The following CCDC148 variants were observed in gnomAD, a reference collection of about 807,000 sequenced individuals.
The protein encoded by CCDC148 is coiled-coil domain containing 148, also known as coiled-coil domain-containing protein 148.
Under a neutral mutation model 85.7 loss-of-function variants are expected in CCDC148, and 89 were observed. The observed-to-expected ratio is 1.04, with a 90% CI of 0.87 to 1.24. The LOEUF (loss-of-function observed/expected upper bound fraction) is 1.24. Among genes scored for constraint, CCDC148 ranks in the 50% most tolerant of loss-of-function variants. The probability of loss-of-function intolerance (pLI) is 0.00; values close to 1 mark genes in which losing one functional copy is unlikely to be tolerated. For synonymous variants in CCDC148, 230 were observed against 213.9 expected (o/e 1.08, Z -0.66); for missense variants, 692 against 671.7 (o/e 1.03, Z -0.33).
intron 3 of CCDC148, among the ~76,000 whole-genome samples, chr2:158,342,021 C>CTTATTTTTTTT (rs1682729753): frequency 1.2e-5 from 1 of 85,624 alleles, no homozygotes; most frequent in Non-Finnish European, 2.0e-5. Flanking sequence ...TCATTATTTT[C>CTTATTTTTTTT]TTTTCTTTTT....
intron 1 of CCDC148, among the ~76,000 whole-genome samples, chr2:158,362,626 C>CAAAG (rs1351608727): frequency 1.3e-5 from 2 of 152,072 alleles, no homozygotes; most frequent in East Asian, 3.8e-4. Flanking sequence ...CCAATGAGAA[C>CAAAG]AAAGACACAA....
intron 8 of CCDC148, among the ~76,000 whole-genome samples, chr2:158,311,927 T>A (rs1003214035): frequency 6.6e-6 from 1 of 152,156 alleles, no homozygotes; most frequent in Non-Finnish European, 1.5e-5. Context: ...AGAACAGGAA[T>A]GGAGAGAACC....
intron 11 of CCDC148, among the ~76,000 whole-genome samples, chr2:158,218,005 A>G (rs1339866853): frequency 6.6e-6 from 1 of 152,240 alleles, no homozygotes; most frequent in Non-Finnish European, 1.5e-5. Context: ...AAAAACTATC[A>G]GCAATTTTGT....
At chr2:158,392,049 G>A (rs1362460480) in intron 1 of CCDC148, among the ~76,000 whole-genome samples, 4 of 152,178 alleles carry the variant, frequency 2.6e-5, no homozygotes, top group Admixed American at 6.6e-5. Context: ...CGCTGCAGAA[G>A]GGTCATAATT....
In CCDC148 at chr2:158,230,407, G is replaced by A. The variant is rs572781220; in HGVS notation, c.1252-9694C>T. ...TTGTTTGAAAACCTGGTAGATGAGC[G>A]TGAAACACCCACGGGAAGAGATGGA... On this transcript the variant is annotated intron_variant, in intron 10 of 13. Transcript: ENST00000283233. Among the ~76,000 whole-genome samples, 12 of 152,268 alleles carry A rather than the reference G, an allele frequency of 7.9e-5. No homozygotes were observed. The South Asian group carries it at 1.4e-3, about 18-fold the overall frequency.
rs372364645 is a variant in CCDC148 at position 158,264,143 on chromosome 2, A to G, written c.1111-13231T>C. 5.9e-5 allele frequency among the ~76,000 whole-genome samples: 9 copies of G among 152,048 alleles called. No individual in the cohort carries two copies. In the South Asian group the frequency reaches 1.0e-3, roughly 18 times the overall value. Reference sequence around the variant, plus strand: ...CCACTGCTGAGAACAAAAATTAAGGAAAGTGATTACAGAGTATGATAAAAG... The same window carrying G: ...CCACTGCTGAGAACAAAAATTAAGGGAAGTGATTACAGAGTATGATAAAAG... On this transcript the variant is annotated intron_variant, in intron 9 of 13. Coordinates refer to ENST00000283233, the MANE Select transcript of CCDC148 (RefSeq NM_138803.4).
chr2:158,286,345 CA>C (rs1020188776), intron 9 of CCDC148, among the ~76,000 whole-genome samples: 4 of 152,034 alleles, frequency 2.6e-5, no homozygotes, highest in African/African-American at 9.7e-5. Flanking sequence ...AAAGACAAAA[CA>C]ACTTTATAAG....
At chr2:158,355,604 TC>T (rs1413429667) in intron 2 of CCDC148, among the ~76,000 whole-genome samples, 1 of 132,844 alleles carries the variant, frequency 7.5e-6, no homozygotes, top group Non-Finnish European at 1.6e-5. Context: ...GGAAGAACAT[TC>T]CATGCTCATG....
chr2:158,244,403 A>C (rs1688481544), intron 10 of CCDC148, among the ~76,000 whole-genome samples: 1 of 152,162 alleles, frequency 6.6e-6, no homozygotes. Flanking sequence ...CCAGGCTGAA[A>C]TCAAGGTATT....
chr2:158,449,125 C>T (rs1241957933), intron 1 of CCDC148, among the ~76,000 whole-genome samples: 4 of 152,126 alleles, frequency 2.6e-5, no homozygotes, highest in Non-Finnish European at 4.4e-5. Context: ...CGTGCCCGAC[C>T]GGAACTGTTT....
At chr2:158,385,179 T>C (rs965711306) in intron 1 of CCDC148, among the ~76,000 whole-genome samples, 1 of 152,122 alleles carries the variant, frequency 6.6e-6, no homozygotes, top group Non-Finnish European at 1.5e-5. Flanking sequence ...AGACCTAAAT[T>C]TAAAGGGCTC....
rs528322923 is a variant in CCDC148 at position 158,171,769 on chromosome 2, G to T, written c.*344C>A. On this transcript the variant is annotated 3_prime_UTR_variant, in exon 14 of 14. Coordinates refer to ENST00000283233, the MANE Select transcript of CCDC148 (RefSeq NM_138803.4). ...AAGCAGAAATGAACATTAGCAGGTA[G>T]CAGCTACATAATTTATAATTCTCAC... 77 of 156,764 alleles carry T rather than the reference G, an allele frequency of 4.9e-4. No individual in the cohort carries two copies. The highest frequency in any genetic ancestry group is 1.8e-3 in the African/African-American group (74 of 41,696). The allele number at this position is 156,764 out of a possible 1,614,324, so 9.7% of individuals were successfully genotyped here.
chr2:158,247,169 TA>T (rs1688602311), intron 10 of CCDC148, among the ~76,000 whole-genome samples: 1 of 152,076 alleles, frequency 6.6e-6, no homozygotes, highest in East Asian at 1.9e-4. Flanking sequence ...CATATTAATT[TA>T]AAAAATGGAT....
rs554986122 is a variant in CCDC148 at position 158,222,141 on chromosome 2, A to T, written c.1252-1428T>A. ...AAGCTACTTCAAAACAAATTTTTTT[A>T]AAAGAACAGATATGGAATCAAAGAG... On this transcript the variant is annotated intron_variant, in intron 10 of 13. Transcript: ENST00000283233. 1.5e-3 allele frequency among the ~76,000 whole-genome samples: 229 copies of T among 152,320 alleles called. 1 individual carries two copies. Among genetic ancestry groups the T allele is most frequent in the African/African-American group, 5.4e-3 (224 of 41,566 alleles).
At chr2:158,370,391 CATG>C (rs1176682669) in intron 1 of CCDC148, among the ~76,000 whole-genome samples, 1 of 151,808 alleles carries the variant, frequency 6.6e-6, no homozygotes, top group Admixed American at 6.6e-5. Flanking sequence ...AAAAGTTGGC[CATG>C]ATATTGATTA....
At chr2:158,412,747 T>C (rs1356557938) in intron 1 of CCDC148, among the ~76,000 whole-genome samples, 1 of 151,646 alleles carries the variant, frequency 6.6e-6, no homozygotes, top group African/African-American at 2.4e-5. Flanking sequence ...GGTTTGTTAC[T>C]TTGTGAAATT....
intron 10 of CCDC148, among the ~76,000 whole-genome samples, chr2:158,240,116 A>G (rs1688284601): frequency 1.3e-5 from 2 of 151,854 alleles, no homozygotes; most frequent in Admixed American, 1.3e-4. Flanking sequence ...TGCAGTGAGG[A>G]TGCTTGCTGT....
Position 158,292,987 on chromosome 2 carries a change from C to A in CCDC148, c.1110+16446G>T, listed in dbSNP as rs1033024716. Among the ~76,000 whole-genome samples the A allele has an allele frequency of 2.6e-5, 4 of 152,078 alleles. No individual in the cohort carries two copies. In the East Asian group the frequency reaches 7.7e-4, roughly 29 times the overall value. On this transcript the variant is annotated intron_variant, in intron 9 of 13. Coordinates refer to ENST00000283233, the MANE Select transcript of CCDC148 (RefSeq NM_138803.4). ...ATTAATGCTGTGTTTATTGAGTACC[C>A]ATTATGGATCAGGATTGGTGTTAGG...
intron 7 of CCDC148, among the ~76,000 whole-genome samples, chr2:158,329,327 A>T (rs963110583): frequency 1.3e-5 from 2 of 152,096 alleles, no homozygotes; most frequent in African/African-American, 4.8e-5. Flanking sequence ...ATGGTTGTAG[A>T]TATGCGGCAT....
Sources: gnomAD v4.1 joint callset for allele counts (sites outside exome capture counted in the v4.1 genomes callset) on GRCh38, gnomAD v4.1.1 for gene constraint, MANE v1.5 for transcripts, NCBI Gene and HGNC (gene_info 2026-07-23, HGNC 2026-07-21) for gene names.